Variants in GBF1 observed in about 807,000 individuals in gnomAD.
GBF1 encodes golgi brefeldin A resistant guanine nucleotide exchange factor 1.
A neutral mutation model predicts 210.5 loss-of-function variants in GBF1; 114 were observed. That is an observed-to-expected ratio of 0.54 (90% confidence interval 0.47 to 0.63). GBF1 has a LOEUF of 0.63. GBF1 is among the 30% of genes least tolerant of loss of function. GBF1 has a pLI of 0.00. For missense variants in GBF1, 1,851 were observed against 2,357.7 expected, an observed-to-expected ratio of 0.79 and a Z score of 4.45; for synonymous variants, 850 against 889.2, an observed-to-expected ratio of 0.96 and a Z score of 0.78.
At chr10:102,272,714 A>G (rs1242079641) in intron 3 of GBF1, among the ~76,000 whole-genome samples, 1 of 152,196 alleles carries the variant, frequency 6.6e-6, no homozygotes, top group African/African-American at 2.4e-5. Context: ...GGATAAACCA[A>G]TTTCTTCTAA....
At chr10:102,243,798 G>A (rs1431037960), upstream of GBF1, among the ~76,000 whole-genome samples, 2 of 152,150 alleles carry the variant, frequency 1.3e-5, no homozygotes, top group African/African-American at 4.8e-5. Flanking sequence ...AAGTTACTGA[G>A]GGGTTCTTCA....
chr10:102,293,861 T>C (rs1406113592), intron 3 of GBF1, among the ~76,000 whole-genome samples: 1 of 140,072 alleles, frequency 7.1e-6, no homozygotes, highest in East Asian at 2.3e-4. Flanking sequence ...CACTGCAAGC[T>C]CAACCTCCCG....
intron 3 of GBF1, among the ~76,000 whole-genome samples, chr10:102,338,444 A>G (rs1263467024): frequency 6.6e-6 from 1 of 151,488 alleles, no homozygotes; most frequent in Non-Finnish European, 1.5e-5. Flanking sequence ...TGGTTTCACT[A>G]TGTTGGCCAG....
rs756781161 is a variant in GBF1 at position 102,259,021 on chromosome 10, C to G, written c.83C>G (p.Thr28Ser). The change falls in exon 2 of 40, where the codon ACC (threonine) becomes AGC (serine). Residue 28 changes from threonine to serine, a missense_variant. Around this residue, in one of 3 missense-constraint regions of GBF1, gnomAD observed 804 missense variants for 958.6 expected, o/e 0.84. Transcript: ENST00000369983. The part of the protein sequence containing the change: ...GAIKRNARWS[T>S]HTPLDEERDP... ...ATCAAACGAAATGCCCGATGGAGCA[C>G]CCATACACCACTGGTAAGTGGGAAA... 31 of 1,559,186 alleles carry G rather than the reference C, an allele frequency of 2.0e-5. No homozygotes were observed. The highest frequency in any genetic ancestry group is 2.7e-5 in the Non-Finnish European group (30 of 1,130,010).
intron 3 of GBF1, among the ~76,000 whole-genome samples, chr10:102,275,375 A>G (rs1426393647): frequency 6.6e-6 from 1 of 152,162 alleles, no homozygotes; most frequent in Admixed American, 6.5e-5. Flanking sequence ...ACATTTCATC[A>G]TATATTTGTC....
chr10:102,331,995 G>A (rs1297051771), intron 3 of GBF1, among the ~76,000 whole-genome samples: 1 of 151,530 alleles, frequency 6.6e-6, no homozygotes, highest in Admixed American at 6.6e-5. Context: ...GAATAGCTGG[G>A]ATTACAGGCG....
At chr10:102,373,369 G>A (rs765106472) in intron 29 of GBF1, among the ~76,000 whole-genome samples, 36 of 152,304 alleles carry the variant, frequency 2.4e-4, no homozygotes, top group Admixed American at 1.0e-3. Flanking sequence ...GAGGTCAGGA[G>A]TTTGAGCCCA....
At chr10:102,331,486 A>T (rs937963948) in intron 3 of GBF1, among the ~76,000 whole-genome samples, 4 of 151,666 alleles carry the variant, frequency 2.6e-5, no homozygotes, top group Admixed American at 2.6e-4. Context: ...TTGATTCATT[A>T]AAAAAAACAG....
chr10:102,367,054 A>G (rs1332886592), intron 19 of GBF1, 31 bp from the exon 20 acceptor site: 1 of 1,612,750 alleles, frequency 6.2e-7, no homozygotes, highest in Admixed American at 1.7e-5. Flanking sequence ...AGAGAAGGGC[A>G]TTGACACAGG....
chr10:102,333,797 A>G (rs1565121907), intron 3 of GBF1, among the ~76,000 whole-genome samples: 1 of 152,178 alleles, frequency 6.6e-6, no homozygotes, highest in Non-Finnish European at 1.5e-5. Flanking sequence ...CTTACCATAC[A>G]TCAGACATTT....
At chr10:102,284,202 A>G (rs2133511680) in intron 3 of GBF1, among the ~76,000 whole-genome samples, 1 of 152,286 alleles carries the variant, frequency 6.6e-6, no homozygotes, top group Non-Finnish European at 1.5e-5. Flanking sequence ...AGCACTTTAG[A>G]AAAATAAAGT....
chr10:102,351,442 G>T (rs2058970347), intron 5 of GBF1, 68 bp downstream of exon 5: 2 of 886,440 alleles, frequency 2.3e-6, no homozygotes, highest in African/African-American at 3.3e-5. Context: ...TACTTACTCT[G>T]CCCACAGCAT....
chr10:102,362,518 T>G lies in GBF1; in HGVS notation c.1730T>G (p.Leu577Arg). The change falls in exon 15 of 40, where the codon CTA becomes CGA. Residue 577 changes from leucine (L) to arginine (R), a missense_variant. Physicochemically the swap from Leu to Arg is moderately radical, Grantham distance 102 (BLOSUM62 -2). Transcript: ENST00000369983. ...VSGQLYTTHL[L>R]SLDALLTVID... ...GGTCAACTCTATACAACACACCTAC[T>G]ATCTCTTGATGCCCTATTGACAGTG... is the stretch of plus-strand genomic sequence containing the variant. The G allele has an allele frequency of 6.2e-7, 1 of 1,614,022 alleles. No homozygotes were observed. The highest frequency in any genetic ancestry group is 8.5e-7 in the Non-Finnish European group (1 of 1,179,860).
At chr10:102,298,326 G>A (rs1256626845) in intron 3 of GBF1, among the ~76,000 whole-genome samples, 5 of 152,182 alleles carry the variant, frequency 3.3e-5, no homozygotes, top group South Asian at 2.1e-4. Context: ...TAGATGACAA[G>A]TCGAGTCCAC....
At chr10:102,305,217 G>GTGTGTGTA (rs781196983) in intron 3 of GBF1, among the ~76,000 whole-genome samples, 2 of 134,868 alleles carry the variant, frequency 1.5e-5, no homozygotes, top group Non-Finnish European at 3.3e-5. Context: ...GTGTGTGTGT[G>GTGTGTGTA]TGTACTTGAT....
At chr10:102,372,551 G>A (rs184486803) in intron 29 of GBF1, among the ~76,000 whole-genome samples, 4 of 152,316 alleles carry the variant, frequency 2.6e-5, no homozygotes, top group African/African-American at 7.2e-5. Flanking sequence ...TCAAGATTAT[G>A]TGGTGTCGAT....
At chr10:102,312,864 A>G (rs1378633163) in intron 3 of GBF1, among the ~76,000 whole-genome samples, 2 of 152,082 alleles carry the variant, frequency 1.3e-5, no homozygotes, top group African/African-American at 4.8e-5. Flanking sequence ...TACTGGCATC[A>G]TGAGTTTCCT....
At chr10:102,352,062 T>G in intron 6 of GBF1, 111 bp downstream of exon 6, 2 of 717,636 alleles carry the variant, frequency 2.8e-6, no homozygotes, top group South Asian at 1.5e-5. Context: ...CTCCATCATC[T>G]ATCTCATGCG....
intron 3 of GBF1, among the ~76,000 whole-genome samples, chr10:102,332,511 G>A (rs1018940163): frequency 2.6e-5 from 4 of 151,890 alleles, no homozygotes; most frequent in African/African-American, 9.7e-5. Context: ...AGCTACCAGA[G>A]TAGCTGGGAT....
Sources: gnomAD v4.1 joint callset for allele counts (sites outside exome capture counted in the v4.1 genomes callset) on GRCh38, gnomAD v4.1.1 for gene constraint, gnomAD v4.1.1 regional missense constraint, MANE v1.5 for transcripts, NCBI Gene and HGNC (gene_info 2026-07-23, HGNC 2026-07-21) for gene names.